Variants in PNPLA3 observed in about 807,000 individuals in gnomAD.
The protein encoded by PNPLA3 is 1-acylglycerol-3-phosphate O-acyltransferase PNPLA3.
In PNPLA3, 42 loss-of-function variants were observed where a neutral mutation model predicts 43.1. That is an observed-to-expected ratio of 0.97 (90% CI 0.76 to 1.26). PNPLA3 has a LOEUF of 1.26. Among genes scored for constraint, PNPLA3 ranks in the 50% most tolerant of loss-of-function variants. The pLI is 0.00. For missense variants in PNPLA3, 647 were observed against 621.4 expected, an observed-to-expected ratio of 1.04 and a Z score of -0.44; for synonymous variants, 272 against 253.6, an observed-to-expected ratio of 1.07 and a Z score of -0.69.
rs531875372 is a variant in PNPLA3, at chr22:43,945,773, C to T, written c.1218-381C>T. ...AAGGCTCTTGGACAGGAGGAGGTGTCGGTTCCAAGCCTAAGGAGTGGGGCA... is the reference window on the plus strand; with the variant it reads ...AAGGCTCTTGGACAGGAGGAGGTGTTGGTTCCAAGCCTAAGGAGTGGGGCA... On this transcript the variant is annotated intron_variant, in intron 8 of 8. Transcript: ENST00000216180. 5.9e-5 allele frequency among the ~76,000 whole-genome samples: 9 copies of T among 152,162 alleles called. 1 individual carries two copies. The highest frequency in any genetic ancestry group is 1.3e-4 in the Admixed American group (2 of 15,286).
Position 43,926,925 on chromosome 22 carries a change from C to T in PNPLA3, c.188-10C>T, listed in dbSNP as rs769901810. ...GTACATTCTTTCATGTATTTGTCTC[C>T]TGTCCCCAGAGCAGACTCTGCAGGT... On this transcript the variant is annotated splice_polypyrimidine_tract_variant and intron_variant, in intron 1 of 8. Coordinates refer to ENST00000216180, the MANE Select transcript of PNPLA3 (RefSeq NM_025225.3). 6.2e-7 allele frequency: 1 copy of T among 1,612,084 alleles called. No homozygotes were observed. Among genetic ancestry groups the T allele is most frequent in the Non-Finnish European group, 8.5e-7 (1 of 1,178,222 alleles).
chr22:43,930,561 C>A (rs561953883), intron 3 of PNPLA3, among the ~76,000 whole-genome samples: 1 of 152,286 alleles, frequency 6.6e-6, no homozygotes, highest in South Asian at 2.1e-4. Flanking sequence ...CTCTGGCTCC[C>A]CAGTGCACGG....
intron 6 of PNPLA3, 116 bp from the exon 7 acceptor site, chr22:43,939,877 T>C: frequency 2.7e-6 from 4 of 1,455,004 alleles, no homozygotes; most frequent in Non-Finnish European, 3.8e-6. Context: ...TGAGTGCCTC[T>C]GACCCTTTGG....
chr22:43,944,834 ACCTCTCT>A, intron 8 of PNPLA3, 39 bp downstream of exon 8: 1 of 1,534,274 alleles, frequency 6.5e-7, no homozygotes, highest in South Asian at 1.1e-5. Context: ...CCGGACGGGC[ACCTCTCT>A]CATCTGATGA....
At chr22:43,924,385 C>G (rs906117372) in intron 1 of PNPLA3, 1 of 425,354 alleles carries the variant, frequency 2.4e-6, no homozygotes. Flanking sequence ...AAGGGAGACC[C>G]TCACCTCCGG....
intron 7 of PNPLA3, among the ~76,000 whole-genome samples, chr22:43,941,987 C>G (rs938951277): frequency 6.6e-6 from 1 of 152,190 alleles, no homozygotes; most frequent in African/African-American, 2.4e-5. Flanking sequence ...TGGCCCTGGA[C>G]TTGGCAGTTT....
At chr22:43,928,992 TC>T in intron 3 of PNPLA3, 103 bp downstream of exon 3, 1 of 1,201,668 alleles carries the variant, frequency 8.3e-7, no homozygotes, top group Non-Finnish European at 1.2e-6. Context: ...TCAGGGTCTG[TC>T]CCATGGTGGA....
Position 43,927,075 on chromosome 22 carries a change from A to G in PNPLA3, c.328A>G (p.Ile110Val), listed in dbSNP as rs903535542. 1.9e-6 allele frequency: 3 copies of G among 1,613,292 alleles called. No individual in the cohort carries two copies. The highest frequency in any genetic ancestry group is 2.5e-6 in the Non-Finnish European group (3 of 1,179,278). Reference sequence around the variant, plus strand: ...CCTCCCGGCCAATGTCCACCAGCTCATCTCCGGCAAAATAGGCATCTCTCT... The same window carrying G: ...CCTCCCGGCCAATGTCCACCAGCTCGTCTCCGGCAAAATAGGCATCTCTCT... ...KCLPANVHQL[I>V]SGKIGISLTR... The change falls in exon 2 of 9, where the codon ATC (isoleucine) becomes GTC (valine). Residue 110 changes from isoleucine (I) to valine (V), a missense_variant. By Grantham distance (29) the Ile-to-Val change is conservative. Transcript: ENST00000216180.
intron 7 of PNPLA3, among the ~76,000 whole-genome samples, chr22:43,943,172 T>G (rs1399414160): frequency 6.6e-6 from 1 of 152,226 alleles, no homozygotes; most frequent in African/African-American, 2.4e-5. Context: ...GTTTTATGGA[T>G]GTAACATTCT....
At chr22:43,932,779 G>T in intron 3 of PNPLA3, 99 bp from the exon 4 acceptor site, 2 of 1,050,972 alleles carry the variant, frequency 1.9e-6, no homozygotes, top group Non-Finnish European at 1.5e-6. Flanking sequence ...CCTGTTTGTG[G>T]CTCTGAGAAG....
rs753306590 is a variant in PNPLA3, at chr22:43,937,153, C to A, written c.860C>A (p.Pro287Gln). 1 of 1,614,132 alleles carries A rather than the reference C, an allele frequency of 6.2e-7. No homozygotes were observed. The highest frequency in any genetic ancestry group is 8.5e-7 in the Non-Finnish European group (1 of 1,180,030). ...GCAAACATGAGTCTGGATTCTTCCC[C>A]GGAGTCGGCTGCCTTGGCTGTGAGG... ...SWANMSLDSS[P>Q]ESAALAVRLE... The change falls in exon 6 of 9, where the codon CCG (proline) becomes CAG (glutamine). Residue 287 changes from proline to glutamine, a missense_variant. Physicochemically the swap from Pro to Gln is moderately conservative, Grantham distance 76. Coordinates refer to ENST00000216180, the MANE Select transcript of PNPLA3 (RefSeq NM_025225.3).
chr22:43,926,831 A>C, intron 1 of PNPLA3, 104 bp from the exon 2 acceptor site: 9 of 915,532 alleles, frequency 9.8e-6, no homozygotes, highest in Non-Finnish European at 1.4e-5. Context: ...GTACTGGTCT[A>C]GAGAAATGTT....
chr22:43,938,659 A>T (rs1232652733), intron 6 of PNPLA3, among the ~76,000 whole-genome samples: 2 of 152,100 alleles, frequency 1.3e-5, no homozygotes, highest in Non-Finnish European at 2.9e-5. Context: ...TGATCCAATC[A>T]CCTCCCATCA....
Position 43,937,167 on chromosome 22 carries a change from T to C in PNPLA3, c.874T>C (p.Leu292=), listed in dbSNP as rs768191969. 2.0e-5 allele frequency: 33 copies of C among 1,614,080 alleles called. No individual in the cohort carries two copies. In the South Asian group the frequency reaches 3.5e-4, roughly 17 times the overall value. ...GGATTCTTCCCCGGAGTCGGCTGCC[T>C]TGGCTGTGAGGCTGGAGGGAGATGA... ...SLDSSPESAA[L]AVRLEGDELL... The change falls in exon 6 of 9, where the codon TTG becomes CTG. Residue 292 remains leucine, a synonymous_variant. Transcript: ENST00000216180.
chr22:43,936,310 G>C (rs903530913), intron 5 of PNPLA3, among the ~76,000 whole-genome samples: 4 of 152,146 alleles, frequency 2.6e-5, no homozygotes, highest in South Asian at 2.1e-4. Flanking sequence ...GGTTATCTTG[G>C]GGGGCAAGGC....
chr22:43,941,012 G>A (rs547535186), intron 7 of PNPLA3, among the ~76,000 whole-genome samples: 91 of 151,910 alleles, frequency 6.0e-4, no homozygotes, highest in Middle Eastern at 3.4e-3. Flanking sequence ...GGTGGTGCAT[G>A]CCTGTAATCC....
In PNPLA3 at chr22:43,946,143, ATG is replaced by A; in HGVS notation, c.1218-7_1218-6del. ...AACGGCCTCTAAGCCAACTTCCTCC[ATG>A]TGTTTCAGGTCCCAAATGCCAGTGA... On this transcript the variant is annotated splice_polypyrimidine_tract_variant and intron_variant, in intron 8 of 8. Transcript: ENST00000216180. 3 of 1,611,106 alleles carry A rather than the reference ATG, an allele frequency of 1.9e-6. No homozygotes were observed. The highest frequency in any genetic ancestry group is 2.2e-5 in the South Asian group (2 of 91,036).
intron 3 of PNPLA3, among the ~76,000 whole-genome samples, chr22:43,929,623 G>T (rs2049948883): frequency 7.4e-6 from 1 of 135,842 alleles, no homozygotes; most frequent in Non-Finnish European, 1.5e-5. Context: ...TTGAGATGGA[G>T]TCTGGCTCTG....
chr22:43,935,631 G>A (rs1416525082), intron 5 of PNPLA3, among the ~76,000 whole-genome samples: 1 of 151,862 alleles, frequency 6.6e-6, no homozygotes, highest in Non-Finnish European at 1.5e-5. Flanking sequence ...GTAGGACACA[G>A]ACAGGATGGC....
Sources: allele counts gnomAD v4.1 joint callset (sites outside exome capture counted in the v4.1 genomes callset), GRCh38; gene constraint gnomAD v4.1.1; transcripts MANE v1.5; gene names NCBI Gene and HGNC (gene_info 2026-07-23, HGNC 2026-07-21).